PSEN1: variants seen among roughly 807,000 people sequenced by gnomAD.
PSEN1 encodes presenilin-1.
A neutral mutation model predicts 53.5 loss-of-function variants in PSEN1; 15 were observed. The observed-to-expected ratio is 0.28, with a 90% CI of 0.19 to 0.43. PSEN1 has a LOEUF of 0.43. Ranked by LOEUF, PSEN1 falls within the 20% of genes least tolerant of loss-of-function variation. PSEN1 has a pLI of 1.00. For synonymous variants in PSEN1, 208 were observed against 209.8 expected (o/e 0.99, Z 0.08); for missense variants, 387 against 571.2 (o/e 0.68, Z 3.29).
intron 1 of PSEN1, among the ~76,000 whole-genome samples, chr14:73,144,035 CTTTTTTTTTTT>C (rs766901431): frequency 0.049 from 2,922 of 59,570 alleles, 72 homozygotes; most frequent in South Asian, 0.074. Context: ...TATAGCTTAT[CTTTTTTTTTTT>C]TTTTTTTTTT....
intron 6 of PSEN1, among the ~76,000 whole-genome samples, chr14:73,191,435 G>A (rs890371082): frequency 1.3e-5 from 2 of 152,104 alleles, no homozygotes. Context: ...CTCCCGCTTT[G>A]AAGGTGAAAG....
intron 5 of PSEN1, among the ~76,000 whole-genome samples, chr14:73,184,806 A>C (rs1370707719): frequency 7.2e-6 from 1 of 139,736 alleles, no homozygotes. Context: ...CTCACTTCCC[A>C]GACGGGGCGG....
In PSEN1 at chr14:73,219,642, C is replaced by T; in HGVS notation, c.*353C>T. The stretch of plus-strand genomic sequence containing the variant: ...CGATTTCACTGACACTGCGAACTCT[C>T]AGGACTACCGTTACCAAGAGGTTAG... On this transcript the variant is annotated 3_prime_UTR_variant, in exon 12 of 12. Transcript: ENST00000324501. 2.9e-6 allele frequency: 1 copy of T among 346,262 alleles called. No homozygotes were observed. Among genetic ancestry groups the T allele is most frequent in the Non-Finnish European group, 5.6e-6 (1 of 179,752 alleles). 21.4% of individuals were successfully genotyped at this position (346,262 alleles called of 1,614,324 possible).
intron 3 of PSEN1, among the ~76,000 whole-genome samples, chr14:73,163,562 G>A (rs165931): frequency 0.62 from 94,044 of 152,094 alleles, 29,690 homozygotes; most frequent in South Asian, 0.73. Flanking sequence ...TCTAAGAATA[G>A]TCAAGTGACA....
intron 6 of PSEN1, among the ~76,000 whole-genome samples, chr14:73,188,867 G>C (rs1227540960): frequency 2.0e-5 from 3 of 150,938 alleles, no homozygotes; most frequent in African/African-American, 7.3e-5. Flanking sequence ...CGGCTCACAG[G>C]AACTTCTGCC....
At chr14:73,185,027 T>C (rs1898440642) in intron 5 of PSEN1, among the ~76,000 whole-genome samples, 1 of 148,178 alleles carries the variant, frequency 6.7e-6, no homozygotes, top group Non-Finnish European at 1.5e-5. Context: ...GCAGAGACGC[T>C]CCTCACTTCC....
At chr14:73,153,880 A>G (rs892528171) in intron 3 of PSEN1, among the ~76,000 whole-genome samples, 1 of 151,696 alleles carries the variant, frequency 6.6e-6, no homozygotes, top group Non-Finnish European at 1.5e-5. Context: ...CACCTGGCTA[A>G]TTTTAGTATT....
chr14:73,145,166 T>C (rs1466272245), intron 1 of PSEN1, among the ~76,000 whole-genome samples: 1 of 152,064 alleles, frequency 6.6e-6, no homozygotes, highest in Non-Finnish European at 1.5e-5. Context: ...GTGCTGGGAT[T>C]ACAGGCATGA....
At chr14:73,185,487 C>T (rs928027579) in intron 5 of PSEN1, among the ~76,000 whole-genome samples, 4 of 152,144 alleles carry the variant, frequency 2.6e-5, no homozygotes, top group Non-Finnish European at 2.9e-5. Flanking sequence ...CGCAGGCACT[C>T]GGCAGGCTGA....
intron 1 of PSEN1, among the ~76,000 whole-genome samples, chr14:73,144,493 G>A (rs561480637): frequency 3.3e-5 from 5 of 152,128 alleles, no homozygotes; most frequent in Middle Eastern, 6.8e-3. Context: ...AATCAAAATC[G>A]CTTCAAAATA....
chr14:73,142,851 C>G (rs2140496548), intron 1 of PSEN1, among the ~76,000 whole-genome samples: 1 of 152,252 alleles, frequency 6.6e-6, no homozygotes, highest in Non-Finnish European at 1.5e-5. Flanking sequence ...TCTGATTGAG[C>G]AAGTGTCTTG....
intron 6 of PSEN1, among the ~76,000 whole-genome samples, chr14:73,191,528 A>G (rs1038260145): frequency 1.1e-4 from 17 of 152,066 alleles, no homozygotes; most frequent in African/African-American, 3.9e-4. Flanking sequence ...TGAAATTCCA[A>G]AATACGTACA....
intron 5 of PSEN1, among the ~76,000 whole-genome samples, chr14:73,184,493 A>G (rs1595020060): frequency 2.8e-5 from 3 of 105,790 alleles, no homozygotes; most frequent in African/African-American, 7.3e-5. Flanking sequence ...CACCTCCCGG[A>G]CGGGGCGGCT....
intron 9 of PSEN1, among the ~76,000 whole-genome samples, chr14:73,206,823 G>A: frequency 6.6e-6 from 1 of 151,598 alleles, no homozygotes. Flanking sequence ...GTAAAAGTAA[G>A]AATCTCCTAA....
At chr14:73,137,894 G>A (rs946950548) in intron 1 of PSEN1, among the ~76,000 whole-genome samples, 1 of 151,946 alleles carries the variant, frequency 6.6e-6, no homozygotes, top group Non-Finnish European at 1.5e-5. Context: ...CAGACAACAC[G>A]GCGAAACCCC....
intron 1 of PSEN1, among the ~76,000 whole-genome samples, chr14:73,140,013 G>A (rs1896873118): frequency 6.6e-6 from 1 of 151,960 alleles, no homozygotes; most frequent in Admixed American, 6.6e-5. Context: ...AAAATTAGTT[G>A]TATTCTGTCC....
chr14:73,184,745 G>A (rs1394743514), intron 5 of PSEN1, among the ~76,000 whole-genome samples: 1 of 143,736 alleles, frequency 7.0e-6, no homozygotes, highest in Non-Finnish European at 1.5e-5. Context: ...GCGGGGGGCT[G>A]ACCCCCCCCA....
chr14:73,187,026 A>C (rs1340108986), intron 6 of PSEN1, 106 bp downstream of exon 6: 2 of 940,870 alleles, frequency 2.1e-6, no homozygotes, highest in African/African-American at 1.6e-5. Context: ...CTGAAGTTTT[A>C]ATTGTTTCCA....
At chr14:73,208,729 C>T (rs1899554488) in intron 9 of PSEN1, 2 of 415,136 alleles carry the variant, frequency 4.8e-6, no homozygotes, top group Non-Finnish European at 4.8e-6. Context: ...TAAGTTCTCA[C>T]TGTGGTCTGT....
Sources: gnomAD v4.1 joint callset for allele counts (sites outside exome capture counted in the v4.1 genomes callset) on GRCh38, gnomAD v4.1.1 for gene constraint, MANE v1.5 for transcripts, NCBI Gene and HGNC (gene_info 2026-07-23, HGNC 2026-07-21) for gene names.